EPB41: variants seen among roughly 807,000 people sequenced by gnomAD.
EPB41 encodes erythrocyte membrane protein band 4.1.
Under a neutral mutation model 108.0 loss-of-function variants are expected in EPB41, and 65 were observed. The observed-to-expected ratio is 0.60, with a 90% CI of 0.49 to 0.74. The LOEUF (loss-of-function observed/expected upper bound fraction) is 0.74, where lower values mean the gene tolerates loss of function less well. Among genes scored for constraint, EPB41 ranks in the 30% least tolerant of loss-of-function variants. The probability of loss-of-function intolerance (pLI) is 0.00; values close to 1 mark genes in which losing one functional copy is unlikely to be tolerated. For synonymous variants in EPB41, 336 were observed against 358.9 expected (o/e 0.94, Z 0.72); for missense variants, 875 against 1,037.0 (o/e 0.84, Z 2.15).
chr1:28,914,274 C>T (rs1167531481), upstream of EPB41, among the ~76,000 whole-genome samples: 2 of 152,248 alleles, frequency 1.3e-5, no homozygotes, highest in East Asian at 1.9e-4. Flanking sequence ...GCTGCGGGAT[C>T]CCGGAACACC....
intron 1 of EPB41, among the ~76,000 whole-genome samples, chr1:28,906,969 C>T (rs2091885030): frequency 2.0e-5 from 3 of 146,856 alleles, no homozygotes; most frequent in Middle Eastern, 6.8e-3. Context: ...GACGGGGTTT[C>T]AACATGTCAG....
chr1:29,059,462 A>G (rs1646130810), intron 14 of EPB41, among the ~76,000 whole-genome samples: 1 of 152,032 alleles, frequency 6.6e-6, no homozygotes, highest in Non-Finnish European at 1.5e-5. Context: ...ATAATATTTT[A>G]TATACATTTA....
At chr1:29,104,337 T>G (rs1055050797) in intron 17 of EPB41, among the ~76,000 whole-genome samples, 17 of 152,352 alleles carry the variant, frequency 1.1e-4, no homozygotes, top group African/African-American at 3.8e-4. Flanking sequence ...TCTCTGTGCT[T>G]TGGAAAACAT....
intron 17 of EPB41, among the ~76,000 whole-genome samples, chr1:29,105,987 C>A (rs1404927305): frequency 2.0e-5 from 3 of 151,828 alleles, no homozygotes; most frequent in African/African-American, 7.3e-5. Context: ...TGACCTCAGG[C>A]AATCCACCTG....
chr1:29,044,390 C>T (rs1642535735), intron 11 of EPB41, among the ~76,000 whole-genome samples: 1 of 152,186 alleles, frequency 6.6e-6, no homozygotes, highest in Non-Finnish European at 1.5e-5. Context: ...ACCAAAGAGT[C>T]AAGTGTTAAT....
rs1246726906 is a variant in EPB41, at chr1:28,923,106, CT to C, written c.-8+8342del. ...TTTTCTTCCTTCTTTCCTTTCTTTT[CT>C]TTTCTTTTTTTTTTTTTTTTTTTGA... On this transcript the variant is annotated intron_variant, in intron 1 of 20. Coordinates refer to ENST00000343067, the MANE Select transcript of EPB41 (RefSeq NM_001376013.1). 7.1e-4 allele frequency among the ~76,000 whole-genome samples: 81 copies of C among 114,724 alleles called. 2 individuals carry two copies. The highest frequency in any genetic ancestry group is 3.0e-3 in the African/African-American group (79 of 26,540). 75.3% of individuals were successfully genotyped at this position (114,724 alleles called of 152,430 possible). A position where few individuals can be genotyped will look rare whatever the true frequency, so the allele number is the denominator to read the frequency against.
chr1:29,035,775 A>T, intron 9 of EPB41, 51 bp from the exon 10 acceptor site: 1 of 1,298,008 alleles, frequency 7.7e-7, no homozygotes, highest in Non-Finnish European at 1.1e-6. Flanking sequence ...GTAATCTGGT[A>T]CTGTATCACA....
chr1:29,047,772 A>T (rs1376540965), intron 11 of EPB41, among the ~76,000 whole-genome samples: 1 of 151,592 alleles, frequency 6.6e-6, no homozygotes, highest in African/African-American at 2.4e-5. Context: ...CAATTTATGT[A>T]TGTATGTATG....
At chr1:29,095,375 A>T (rs969169561) in intron 16 of EPB41, among the ~76,000 whole-genome samples, 6 of 152,202 alleles carry the variant, frequency 3.9e-5, no homozygotes, top group African/African-American at 1.4e-4. Context: ...CCTGTGCTAG[A>T]TGTACTCAAC....
Position 29,004,019 on chromosome 1 carries a change from C to T in EPB41, c.786+6700C>T, listed in dbSNP as rs886183509. Among the ~76,000 whole-genome samples the T allele has an allele frequency of 5.3e-5, 8 of 152,172 alleles. No homozygotes were observed. In the South Asian group the frequency reaches 6.2e-4, roughly 12 times the overall value. ...CTCAGGTGATCCAACTGCCTTGCCTCGCAAAGTGCTGGAATTACAGGCATG... is the reference window on the plus strand; with the variant it reads ...CTCAGGTGATCCAACTGCCTTGCCTTGCAAAGTGCTGGAATTACAGGCATG... On this transcript the variant is annotated intron_variant, in intron 4 of 20. Coordinates refer to ENST00000343067, the MANE Select transcript of EPB41 (RefSeq NM_001376013.1).
chr1:28,918,552 C>T (rs2092850068), intron 1 of EPB41, among the ~76,000 whole-genome samples: 1 of 152,022 alleles, frequency 6.6e-6, no homozygotes, highest in African/African-American at 2.4e-5. Flanking sequence ...AAATAAAGCC[C>T]CCAAAGATGG....
intron 1 of EPB41, among the ~76,000 whole-genome samples, chr1:28,905,231 T>G (rs203289): frequency 0.12 from 18,549 of 151,166 alleles, 1,567 homozygotes; most frequent in African/African-American, 0.25. Flanking sequence ...GTGCAGTGGC[T>G]CATGTCTGGA....
intron 1 of EPB41, among the ~76,000 whole-genome samples, chr1:28,960,893 G>A (rs1170498797): frequency 6.6e-6 from 1 of 151,780 alleles, no homozygotes; most frequent in Non-Finnish European, 1.5e-5. Flanking sequence ...AATTAGCCAG[G>A]CATGGTGGCA....
chr1:28,945,070 A>G (rs2094445236), intron 1 of EPB41, among the ~76,000 whole-genome samples: 1 of 150,482 alleles, frequency 6.6e-6, no homozygotes, highest in Non-Finnish European at 1.5e-5. Context: ...TGGGTGACAG[A>G]GTGAGATCGT....
chr1:29,108,148 C>CTTTT (rs544874657), intron 17 of EPB41, among the ~76,000 whole-genome samples: 1 of 129,160 alleles, frequency 7.7e-6, no homozygotes, highest in African/African-American at 2.8e-5. Context: ...CCTCTTATTT[C>CTTTT]TTTTTTTTTT....
At chr1:28,904,797 G>T (rs1218804327) in intron 1 of EPB41, among the ~76,000 whole-genome samples, 1 of 152,118 alleles carries the variant, frequency 6.6e-6, no homozygotes, top group East Asian at 1.9e-4. Flanking sequence ...ATTTTGGGAG[G>T]CCAAGGCTGG....
In EPB41 at chr1:28,999,032, C is replaced by G. The variant is rs115653361; in HGVS notation, c.786+1713C>G. Among the ~76,000 whole-genome samples, 407 of 152,302 alleles carry G rather than the reference C, an allele frequency of 2.7e-3. 1 individual carries two copies. The highest frequency in any genetic ancestry group is 6.8e-3 in the Middle Eastern group (2 of 294). On this transcript the variant is annotated intron_variant, in intron 4 of 20. Coordinates refer to ENST00000343067, the MANE Select transcript of EPB41 (RefSeq NM_001376013.1). ...TAATTTAAAAACAAAACAATGCCCT[C>G]AAAACTACAGTGAAAAACTTTCTAC...
chr1:28,898,087 G>C lies in EPB41; in HGVS notation c.-8+10877G>C, dbSNP rs536118522. Among the ~76,000 whole-genome samples, 3 of 152,296 alleles carry C rather than the reference G, an allele frequency of 2.0e-5. No homozygotes were observed. The South Asian group carries it at 6.2e-4, about 32-fold the overall frequency. On this transcript the variant is annotated intron_variant, in intron 1 of 16. Coordinates refer to the EPB41 transcript ENST00000347529. Reference sequence around the variant, plus strand: ...GGCTCAAGACTGCATACTGTGCTCAGGATAGATGAGCACTGTCGTTGGTGT... The same window carrying C: ...GGCTCAAGACTGCATACTGTGCTCACGATAGATGAGCACTGTCGTTGGTGT...
intron 16 of EPB41, chr1:29,065,440 A>T: frequency 3.3e-6 from 1 of 302,556 alleles, no homozygotes; most frequent in East Asian, 6.2e-5. Context: ...TATGTTTATA[A>T]ACTGACCATA....
Sources: gnomAD v4.1 joint callset for allele counts (sites outside exome capture counted in the v4.1 genomes callset) on GRCh38, gnomAD v4.1.1 for gene constraint, MANE v1.5 for transcripts, NCBI Gene and HGNC (gene_info 2026-07-23, HGNC 2026-07-21) for gene names.